Variants in RGS7 observed in about 807,000 individuals in gnomAD.
RGS7 encodes the protein regulator of G protein signaling 7.
Under a neutral mutation model 81.1 loss-of-function variants are expected in RGS7, and 27 were observed. That is an observed-to-expected ratio of 0.33 (90% CI 0.25 to 0.46). The LOEUF (loss-of-function observed/expected upper bound fraction) is 0.46, where lower values mean the gene tolerates loss of function less well. Ranked by LOEUF, RGS7 falls within the 20% of genes least tolerant of loss-of-function variation. The pLI is 1.00. For missense variants in RGS7, 396 were observed against 607.4 expected, an observed-to-expected ratio of 0.65 and a Z score of 3.66; for synonymous variants, 208 against 207.7, an observed-to-expected ratio of 1.00 and a Z score of -0.01.
intron 18 of RGS7, among the ~76,000 whole-genome samples, chr1:240,783,098 A>C (rs1263278411): frequency 6.6e-6 from 1 of 152,222 alleles, no homozygotes; most frequent in Non-Finnish European, 1.5e-5. Context: ...GTGAACAGAG[A>C]GCATCATCCT....
intron 2 of RGS7, among the ~76,000 whole-genome samples, chr1:241,306,608 G>T (rs1266646257): frequency 6.7e-6 from 1 of 149,590 alleles, no homozygotes. Flanking sequence ...ACCTTCACAG[G>T]CATATATACG....
At chr1:240,859,101 A>T (rs368571391) in intron 9 of RGS7, among the ~76,000 whole-genome samples, 17 of 152,344 alleles carry the variant, frequency 1.1e-4, no homozygotes, top group Admixed American at 5.2e-4. Flanking sequence ...CAGTGAACCC[A>T]TCTGGGCTGG....
intron 2 of RGS7, among the ~76,000 whole-genome samples, chr1:241,277,202 G>C (rs1349041555): frequency 6.6e-6 from 1 of 152,158 alleles, no homozygotes; most frequent in Non-Finnish European, 1.5e-5. Context: ...ACCAAAGGCT[G>C]GGCTCATCTT....
intron 14 of RGS7, among the ~76,000 whole-genome samples, chr1:240,806,689 T>G (rs78429123): frequency 0.046 from 6,992 of 152,122 alleles, 506 homozygotes; most frequent in African/African-American, 0.16. Flanking sequence ...AAGTAGCACT[T>G]CTGACTGTTG....
chr1:241,335,739 T>A (rs1182875581), intron 2 of RGS7, among the ~76,000 whole-genome samples: 1 of 152,076 alleles, frequency 6.6e-6, no homozygotes, highest in Non-Finnish European at 1.5e-5. Context: ...ATGCTCTTCA[T>A]CAACCAGTTT....
At chr1:240,869,376 CTGTCAGCAGAGACAATTT>C (rs1487348063) in intron 7 of RGS7, among the ~76,000 whole-genome samples, 4 of 151,778 alleles carry the variant, frequency 2.6e-5, no homozygotes, top group African/African-American at 9.7e-5. Context: ...CTGAAGATCA[CTGTCAGCAGAGACAATTT>C]TGGCAAAACC....
chr1:240,974,955 T>C (rs980479163), intron 4 of RGS7, among the ~76,000 whole-genome samples: 2 of 150,026 alleles, frequency 1.3e-5, no homozygotes, highest in Admixed American at 6.6e-5. Context: ...CTGTAACCAG[T>C]AAGTGCTTGA....
chr1:240,776,200 G>A lies in RGS7; in HGVS notation c.*20C>T, dbSNP rs770800478. ...AGCAAGGCTTGTTAACCTCTTGGAC[G>A]TGAGAGATTTCCCCTGAGAAAATAT... On this transcript the variant is annotated 3_prime_UTR_variant, in exon 19 of 19. Transcript: ENST00000440928. The A allele has an allele frequency of 4.8e-5, 77 of 1,610,196 alleles. No homozygotes were observed. Among genetic ancestry groups the A allele is most frequent in the Middle Eastern group, 1.6e-4 (1 of 6,082 alleles).
At chr1:241,341,870 CT>C (rs35903618) in intron 2 of RGS7, among the ~76,000 whole-genome samples, 4,243 of 89,502 alleles carry the variant, frequency 0.047, 45 homozygotes, top group African/African-American at 0.094. Context: ...CTCTTCAACT[CT>C]TTTTTTTTTT....
chr1:240,863,304 T>C (rs1308639673), intron 9 of RGS7, among the ~76,000 whole-genome samples: 2 of 151,962 alleles, frequency 1.3e-5, no homozygotes, highest in African/African-American at 4.8e-5. Flanking sequence ...TGAAACCCCG[T>C]CTCTACTAAA....
chr1:241,145,605 G>A (rs1006086221), intron 2 of RGS7, among the ~76,000 whole-genome samples: 2 of 152,116 alleles, frequency 1.3e-5, no homozygotes, highest in African/African-American at 4.8e-5. Flanking sequence ...GTTTGGCCAA[G>A]GTTGTGGCAC....
intron 2 of RGS7, among the ~76,000 whole-genome samples, chr1:241,165,721 G>A (rs974411547): frequency 6.7e-6 from 1 of 150,102 alleles, no homozygotes; most frequent in South Asian, 2.1e-4. Context: ...CATGGCACAT[G>A]TATACATATG....
At chr1:240,938,426 T>A (rs1677002644) in intron 4 of RGS7, among the ~76,000 whole-genome samples, 1 of 152,164 alleles carries the variant, frequency 6.6e-6, no homozygotes, top group Admixed American at 6.5e-5. Flanking sequence ...CCATCAACCA[T>A]GGGGAGCTTT....
intron 2 of RGS7, among the ~76,000 whole-genome samples, chr1:241,222,834 G>A (rs1460207590): frequency 2.8e-5 from 4 of 144,048 alleles, no homozygotes; most frequent in African/African-American, 1.0e-4. Context: ...CCCCTGACAG[G>A]CCCTGGTGTG....
intron 3 of RGS7, among the ~76,000 whole-genome samples, chr1:240,988,460 TTC>T (rs1186688190): frequency 2.6e-5 from 4 of 152,240 alleles, no homozygotes; most frequent in South Asian, 2.1e-4. Context: ...ACTGCAGACT[TTC>T]TGTTTGAGAA....
rs1225343755 is a variant in RGS7 at position 240,930,282 on chromosome 1, T to C, written c.385+435A>G. Among the ~76,000 whole-genome samples, 3 of 141,118 alleles carry C rather than the reference T, an allele frequency of 2.1e-5. No homozygotes were observed. In the East Asian group the frequency reaches 6.8e-4, roughly 32 times the overall value. 92.6% of individuals were successfully genotyped at this position (141,118 alleles called of 152,430 possible). A position where few individuals can be genotyped will look rare whatever the true frequency, so the allele number is the denominator to read the frequency against. The stretch of plus-strand genomic sequence containing the variant: ...TTCATGTTTAACACAACCCTCCACC[T>C]ATAAAAATCATAGGATACTTCACAG... On this transcript the variant is annotated intron_variant, in intron 6 of 18. Transcript: ENST00000440928.
intron 3 of RGS7, among the ~76,000 whole-genome samples, chr1:241,093,425 G>T (rs534543987): frequency 6.6e-6 from 1 of 151,922 alleles, no homozygotes; most frequent in Non-Finnish European, 1.5e-5. Context: ...CCCCAGCAAC[G>T]GTAAAATACT....
At chr1:241,349,437 G>A (rs1197009462) in intron 2 of RGS7, among the ~76,000 whole-genome samples, 2 of 152,190 alleles carry the variant, frequency 1.3e-5, no homozygotes, top group Admixed American at 1.3e-4. Context: ...TATCTTTCCA[G>A]ATAGGCCACT....
At chr1:240,870,236 C>T in intron 6 of RGS7, 117 bp from the exon 7 acceptor site, 1 of 846,816 alleles carries the variant, frequency 1.2e-6, no homozygotes, top group Non-Finnish European at 2.0e-6. Flanking sequence ...AATTTTTGAT[C>T]ATTTTCTTAG....
Sources: allele counts gnomAD v4.1 joint callset (sites outside exome capture counted in the v4.1 genomes callset), GRCh38; gene constraint gnomAD v4.1.1; transcripts MANE v1.5; gene names NCBI Gene and HGNC (gene_info 2026-07-23, HGNC 2026-07-21).